Variants in ENTREP2 observed in about 807,000 individuals in gnomAD.
ENTREP2 encodes endosomal transmembrane epsin interactor 2.
chr15:29,672,765 G>GT, the ENTREP2 span, among the ~76,000 whole-genome samples: 22 of 152,224 alleles, frequency 1.4e-4, no homozygotes, highest in African/African-American at 5.1e-4. Context: ...AATTTGGTGG[G>GT]TTGGGGGGGT....
chr15:29,289,163 C>T, the ENTREP2 span, among the ~76,000 whole-genome samples: 1 of 150,062 alleles, frequency 6.7e-6, no homozygotes, highest in Non-Finnish European at 1.5e-5. Context: ...GCCAAGATCA[C>T]GCCACTGCAC....
At chr15:29,423,667 G>C in the ENTREP2 span, among the ~76,000 whole-genome samples, 1 of 151,880 alleles carries the variant, frequency 6.6e-6, no homozygotes, top group Non-Finnish European at 1.5e-5. Flanking sequence ...ACGACGTGGC[G>C]GGCGCCTGTA....
the ENTREP2 span, among the ~76,000 whole-genome samples, chr15:29,192,812 C>T: frequency 6.6e-6 from 1 of 152,184 alleles, no homozygotes; most frequent in African/African-American, 2.4e-5. Context: ...TGGCTTACCA[C>T]TCAAAAGTCA....
the ENTREP2 span, among the ~76,000 whole-genome samples, chr15:29,607,865 G>A: frequency 1.3e-5 from 2 of 150,484 alleles, no homozygotes; most frequent in African/African-American, 5.0e-5. Context: ...TAGATAGATA[G>A]ACAGAGAAAG....
the ENTREP2 span, among the ~76,000 whole-genome samples, chr15:29,444,231 A>G: frequency 6.7e-6 from 1 of 150,148 alleles, no homozygotes; most frequent in Non-Finnish European, 1.5e-5. Flanking sequence ...AGAAAGAAAG[A>G]AAGAAAGAAA....
chr15:29,234,979 A>G, the ENTREP2 span: 1 of 1,440,338 alleles, frequency 6.9e-7, no homozygotes, highest in Non-Finnish European at 9.8e-7. Flanking sequence ...TTGTATTAAC[A>G]CAGCCATCAT....
chr15:29,264,512 C>G, the ENTREP2 span, among the ~76,000 whole-genome samples: 1 of 152,076 alleles, frequency 6.6e-6, no homozygotes, highest in East Asian at 1.9e-4. Context: ...TGATAGGATC[C>G]AAAAATAACA....
the ENTREP2 span, among the ~76,000 whole-genome samples, chr15:29,456,597 A>G: frequency 2.0e-5 from 3 of 152,300 alleles, no homozygotes; most frequent in Admixed American, 2.0e-4. Context: ...AGCATGTGGG[A>G]CAGTGCCCCC....
the ENTREP2 span, among the ~76,000 whole-genome samples, chr15:29,588,703 A>G: frequency 2.0e-5 from 3 of 152,148 alleles, no homozygotes; most frequent in Non-Finnish European, 4.4e-5. Flanking sequence ...TTTAATGGAC[A>G]AGACTAAACT....
At chr15:29,523,561 ATTTTTTTTTTTTT>A in the ENTREP2 span, among the ~76,000 whole-genome samples, 15 of 78,482 alleles carry the variant, frequency 1.9e-4, no homozygotes, top group Admixed American at 2.8e-4. Flanking sequence ...TCCCAGCTAG[ATTTTTTTTTTTTT>A]TTTTTTTTTT....
the ENTREP2 span, chr15:29,124,743 C>CT: frequency 6.4e-7 from 1 of 1,550,682 alleles, no homozygotes. Context: ...ACACGACGGC[C>CT]TGTGTGAAGA....
the ENTREP2 span, among the ~76,000 whole-genome samples, chr15:29,437,371 CT>C: frequency 6.6e-6 from 1 of 152,140 alleles, no homozygotes; most frequent in Non-Finnish European, 1.5e-5. Context: ...CTAAAATAAG[CT>C]GATATTTAGA....
the ENTREP2 span, among the ~76,000 whole-genome samples, chr15:29,372,361 T>G: frequency 1.3e-5 from 2 of 152,244 alleles, no homozygotes; most frequent in African/African-American, 2.4e-5. Flanking sequence ...TCTAGCTTAC[T>G]TTATTGTAAG....
the ENTREP2 span, among the ~76,000 whole-genome samples, chr15:29,596,962 A>G: frequency 6.6e-6 from 1 of 151,682 alleles, no homozygotes; most frequent in Non-Finnish European, 1.5e-5. Flanking sequence ...GAGCCACCGC[A>G]CTCGGCTCCT....
the ENTREP2 span, among the ~76,000 whole-genome samples, chr15:29,328,602 T>C: frequency 1.3e-5 from 2 of 152,328 alleles, no homozygotes; most frequent in African/African-American, 4.8e-5. Flanking sequence ...ACATCAGTGA[T>C]GAACTCTAGT....
chr15:29,539,729 T>A, the ENTREP2 span, among the ~76,000 whole-genome samples: 1 of 152,146 alleles, frequency 6.6e-6, no homozygotes, highest in African/African-American at 2.4e-5. Flanking sequence ...CTAAACAATG[T>A]TGGAGAGGGC....
At chr15:29,477,138 G>C in the ENTREP2 span, among the ~76,000 whole-genome samples, 17 of 152,264 alleles carry the variant, frequency 1.1e-4, no homozygotes, top group Admixed American at 9.2e-4. Flanking sequence ...TGTTGAAAGT[G>C]TAAGAGATCA....
the ENTREP2 span, among the ~76,000 whole-genome samples, chr15:29,412,684 A>G: frequency 6.6e-6 from 1 of 152,034 alleles, no homozygotes; most frequent in East Asian, 1.9e-4. Context: ...ATTCATAATA[A>G]TGGTTATTTG....
the ENTREP2 span, among the ~76,000 whole-genome samples, chr15:29,351,950 C>G: frequency 6.6e-6 from 1 of 151,760 alleles, no homozygotes; most frequent in African/African-American, 2.4e-5. Context: ...ATTTTACTTT[C>G]TGTAGACAGG....
Sources: allele counts gnomAD v4.1 joint callset (sites outside exome capture counted in the v4.1 genomes callset), GRCh38; gene constraint gnomAD v4.1.1; transcripts MANE v1.5; gene names NCBI Gene and HGNC (gene_info 2026-07-23, HGNC 2026-07-21).